The following SKAP1 variants were observed in gnomAD, a reference collection of about 807,000 sequenced individuals.
The protein encoded by SKAP1 is src kinase associated phosphoprotein 1, also known as src kinase-associated phosphoprotein 1.
Under a neutral mutation model 58.5 loss-of-function variants are expected in SKAP1, and 44 were observed. That is an observed-to-expected ratio of 0.75 (90% CI 0.59 to 0.97). The LOEUF (loss-of-function observed/expected upper bound fraction) is 0.97. SKAP1 is among the 50% of genes least tolerant of loss of function. SKAP1 has a pLI of 0.00. For missense variants in SKAP1, 390 were observed against 435.2 expected (o/e 0.90, Z 0.92); for synonymous variants, 127 against 149.7 (o/e 0.85, Z 1.11).
At chr17:48,331,883 C>A (rs926129442) in intron 4 of SKAP1, among the ~76,000 whole-genome samples, 2 of 151,946 alleles carry the variant, frequency 1.3e-5, no homozygotes, top group Non-Finnish European at 2.9e-5. Context: ...TTTTAAAGGG[C>A]TAGGCATCAT....
chr17:48,173,642 T>G (rs1358450531), intron 9 of SKAP1, among the ~76,000 whole-genome samples: 2 of 152,186 alleles, frequency 1.3e-5, no homozygotes, highest in African/African-American at 4.8e-5. Context: ...AGACCAATAA[T>G]TTGCTGTGCT....
chr17:48,202,388 C>T (rs181950445), intron 4 of SKAP1, among the ~76,000 whole-genome samples: 173 of 152,186 alleles, frequency 1.1e-3, no homozygotes, highest in Non-Finnish European at 1.7e-3. Context: ...TATGTATTAT[C>T]TCCTGGTCAA....
chr17:48,154,798 C>T (rs1002382629), intron 11 of SKAP1, among the ~76,000 whole-genome samples: 1 of 152,084 alleles, frequency 6.6e-6, no homozygotes, highest in African/African-American at 2.4e-5. Flanking sequence ...GTGGCTCACA[C>T]CTGTAATCCC....
At chr17:48,410,060 A>C (rs1306385591) in intron 1 of SKAP1, among the ~76,000 whole-genome samples, 2 of 152,206 alleles carry the variant, frequency 1.3e-5, no homozygotes, top group Non-Finnish European at 2.9e-5. Context: ...ACTGAACATA[A>C]ACACTGAACT....
chr17:48,410,957 AGAAAGGGGCAC>A (rs2067656213), intron 1 of SKAP1, among the ~76,000 whole-genome samples: 1 of 148,328 alleles, frequency 6.7e-6, no homozygotes, highest in African/African-American at 2.5e-5. Context: ...AAAAAAAAAA[AGAAAGGGGCAC>A]AGGAACCAAC....
At chr17:48,182,544 G>T in intron 7 of SKAP1, 87 bp from the exon 8 acceptor site, 1 of 864,574 alleles carries the variant, frequency 1.2e-6, no homozygotes, top group Non-Finnish European at 1.9e-6. Flanking sequence ...AGGAACCACT[G>T]AGTTTCAGAG....
At chr17:48,383,716 T>C (rs2067244868) in intron 2 of SKAP1, among the ~76,000 whole-genome samples, 4 of 6,164 alleles carry the variant, frequency 6.5e-4, no homozygotes, top group South Asian at 4.0e-3. Flanking sequence ...TCTCTGCCCT[T>C]TTTTTTTTTT....
intron 4 of SKAP1, among the ~76,000 whole-genome samples, chr17:48,317,263 A>G (rs1347262383): frequency 1.3e-5 from 2 of 152,252 alleles, no homozygotes. Context: ...AAAGTATCTC[A>G]ATGTTGATAT....
chr17:48,179,370 G>A (rs542309587), intron 9 of SKAP1, among the ~76,000 whole-genome samples: 1 of 152,296 alleles, frequency 6.6e-6, no homozygotes, highest in South Asian at 2.1e-4. Context: ...TTCACCAGCT[G>A]CTGTTATCCC....
At chr17:48,223,816 A>G (rs771644391) in intron 4 of SKAP1, among the ~76,000 whole-genome samples, 4 of 152,150 alleles carry the variant, frequency 2.6e-5, no homozygotes, top group Non-Finnish European at 1.5e-5. Flanking sequence ...GTACCAAGGA[A>G]CAGCAGATGT....
At chr17:48,383,861 C>T (rs989490381) in intron 2 of SKAP1, among the ~76,000 whole-genome samples, 3 of 151,738 alleles carry the variant, frequency 2.0e-5, no homozygotes, top group East Asian at 1.9e-4. Flanking sequence ...GGATTACAGG[C>T]GCCCGCCATC....
chr17:48,409,626 C>T (rs2067636274), intron 1 of SKAP1, among the ~76,000 whole-genome samples: 1 of 149,546 alleles, frequency 6.7e-6, no homozygotes, highest in Non-Finnish European at 1.5e-5. Flanking sequence ...CGAGATTGTG[C>T]CACTGCACTC....
At chr17:48,374,207 GTT>G (rs5820697) in intron 2 of SKAP1, among the ~76,000 whole-genome samples, 127 of 90,310 alleles carry the variant, frequency 1.4e-3, no homozygotes, top group East Asian at 0.013. Flanking sequence ...GCTAATTTTT[GTT>G]TTTTTTTTTT....
chr17:48,165,379 TTTTCTTTC>T lies in SKAP1; in HGVS notation c.878-2818_878-2811del, dbSNP rs143644816. On this transcript the variant is annotated intron_variant, in intron 10 of 12. Coordinates refer to ENST00000336915, the MANE Select transcript of SKAP1 (RefSeq NM_003726.4). ...CATGAGGAGACTTTGCTTTCTTTTC[TTTTCTTTC>T]TTTCTTTCTTTCTTTCTTTTTTTTT... Among the ~76,000 whole-genome samples the T allele has an allele frequency of 4.3e-3, 555 of 128,326 alleles. 2 individuals carry two copies. Among genetic ancestry groups the T allele is most frequent in the Admixed American group, 5.6e-3 (70 of 12,472 alleles). The allele number at this position is 128,326 out of a possible 152,430, so 84.2% of individuals were successfully genotyped here.
chr17:48,201,332 CCT>C (rs946539176), intron 4 of SKAP1, among the ~76,000 whole-genome samples: 8 of 149,786 alleles, frequency 5.3e-5, no homozygotes, highest in Admixed American at 2.0e-4. Context: ...TTCTCTCCTC[CCT>C]CTCTCTCTCT....
chr17:48,330,687 A>G (rs1322248509), intron 4 of SKAP1, among the ~76,000 whole-genome samples: 1 of 152,236 alleles, frequency 6.6e-6, no homozygotes, highest in Non-Finnish European at 1.5e-5. Context: ...GCACATTTCA[A>G]GAAGCTGTTT....
intron 10 of SKAP1, among the ~76,000 whole-genome samples, chr17:48,163,717 G>A (rs1410033118): frequency 6.6e-6 from 1 of 152,130 alleles, no homozygotes; most frequent in Non-Finnish European, 1.5e-5. Context: ...TGGTGGCTGA[G>A]GATAGGGCAA....
intron 3 of SKAP1, among the ~76,000 whole-genome samples, chr17:48,357,761 T>A (rs182604343): frequency 2.2e-4 from 33 of 152,322 alleles, no homozygotes; most frequent in Non-Finnish European, 3.8e-4. Context: ...AGTAGATGTA[T>A]AGGAAGTAAA....
intron 2 of SKAP1, among the ~76,000 whole-genome samples, chr17:48,392,013 A>G (rs1451914302): frequency 6.6e-6 from 1 of 152,156 alleles, no homozygotes; most frequent in African/African-American, 2.4e-5. Flanking sequence ...AAAACTCTCT[A>G]TATAATTAAT....
Sources: gnomAD v4.1 joint callset for allele counts (sites outside exome capture counted in the v4.1 genomes callset) on GRCh38, gnomAD v4.1.1 for gene constraint, MANE v1.5 for transcripts, NCBI Gene and HGNC (gene_info 2026-07-23, HGNC 2026-07-21) for gene names.